RPGRIP1: variants seen among roughly 807,000 people sequenced by gnomAD.
RPGRIP1 encodes the protein X-linked retinitis pigmentosa GTPase regulator-interacting protein 1.
A neutral mutation model predicts 157.9 loss-of-function variants in RPGRIP1; 128 were observed. The observed-to-expected ratio is 0.81, with a 90% CI of 0.70 to 0.94. The LOEUF is 0.94. RPGRIP1 is among the 40% of genes least tolerant of loss of function. The pLI is 0.00. For missense variants in RPGRIP1, 1,486 were observed against 1,545.8 expected, an observed-to-expected ratio of 0.96 and a Z score of 0.65; for synonymous variants, 554 against 571.6, an observed-to-expected ratio of 0.97 and a Z score of 0.44.
At chr14:21,335,320 A>G (rs1209502326) in intron 21 of RPGRIP1, among the ~76,000 whole-genome samples, 2 of 152,068 alleles carry the variant, frequency 1.3e-5, no homozygotes, top group Non-Finnish European at 2.9e-5. Context: ...ATTCATGCCC[A>G]GCCTGAATGG....
chr14:21,320,844 G>A (rs1269293958), intron 12 of RPGRIP1, among the ~76,000 whole-genome samples: 3 of 151,866 alleles, frequency 2.0e-5, no homozygotes, highest in African/African-American at 4.8e-5. Context: ...CTGGTGATCC[G>A]CCCAACTCAG....
intron 1 of RPGRIP1, among the ~76,000 whole-genome samples, chr14:21,280,965 T>C (rs1318461185): frequency 6.6e-6 from 1 of 152,096 alleles, no homozygotes; most frequent in African/African-American, 2.4e-5. Context: ...TTGTGTAAAA[T>C]TTGTTGCTTT....
intron 1 of RPGRIP1, among the ~76,000 whole-genome samples, chr14:21,282,711 G>A (rs1300579115): frequency 6.9e-6 from 1 of 143,952 alleles, no homozygotes; most frequent in Non-Finnish European, 1.5e-5. Flanking sequence ...CCAGGTTCAC[G>A]CCATTCTCCT....
intron 6 of RPGRIP1, among the ~76,000 whole-genome samples, chr14:21,304,570 GA>G: frequency 6.6e-6 from 1 of 152,156 alleles, no homozygotes; most frequent in East Asian, 1.9e-4. Flanking sequence ...TAAATTCCTG[GA>G]AAACTTTTTT....
intron 24 of RPGRIP1, 97 bp from the exon 25 acceptor site, chr14:21,351,007 A>AATT: frequency 1.6e-6 from 1 of 644,068 alleles, no homozygotes. Flanking sequence ...TGAAATGGGT[A>AATT]ATTTCATTCA....
At chr14:21,319,948 C>T in intron 11 of RPGRIP1, 69 bp from the exon 12 acceptor site, 1 of 1,410,372 alleles carries the variant, frequency 7.1e-7, no homozygotes, top group Non-Finnish European at 9.7e-7. Context: ...TAAATTCACA[C>T]TTGATCCAAC....
chr14:21,340,961 A>G (rs1307247172), intron 21 of RPGRIP1, among the ~76,000 whole-genome samples: 1 of 152,192 alleles, frequency 6.6e-6, no homozygotes, highest in East Asian at 1.9e-4. Context: ...AAAACACTGT[A>G]TAGTCAATAG....
chr14:21,325,975 A>G lies in RPGRIP1; in HGVS notation c.2512A>G (p.Ile838Val), dbSNP rs772480252. ...CACCTTTTCTGACCATGACACTGCC[A>G]TCATTCCAGCCAGTAACAACCCCTA... is the stretch of plus-strand genomic sequence containing the variant. ...FFTFSDHDTA[I>V]IPASNNPYFR... Residue 838 changes from isoleucine to valine, a missense_variant, in exon 17 of 25, where the codon ATC becomes GTC. Coordinates refer to ENST00000400017, the MANE Select transcript of RPGRIP1 (RefSeq NM_020366.4). The G allele has an allele frequency of 6.1e-5, 99 of 1,614,000 alleles. 5 individuals carry two copies. In the Middle Eastern group the frequency reaches 8.2e-4, roughly 13 times the overall value.
Position 21,320,112 on chromosome 14 carries a change from C to G in RPGRIP1, c.1402C>G (p.Pro468Ala). Residue 468 changes from proline to alanine, a missense_variant, in exon 12 of 25, where the codon CCT (proline) becomes GCT (alanine). Pro to Ala is a conservative substitution (Grantham distance 27). Transcript: ENST00000400017. ...CCAAAATGCAGCCACAATTTCCCAA[C>G]CTCCTGACAGGCAATCTGAACCAGC... Reference protein sequence around the residue: ...LLQNAATISQPPDRQSEPATH... With the variant: ...LLQNAATISQAPDRQSEPATH... 6.2e-7 allele frequency: 1 copy of G among 1,613,884 alleles called. No homozygotes were observed. Among genetic ancestry groups the G allele is most frequent in the Non-Finnish European group, 8.5e-7 (1 of 1,179,834 alleles).
At position 21,348,233 on chromosome 14, in the gene RPGRIP1, G is replaced by A. The variant is rs1885763952; in HGVS notation, c.3679G>A (p.Gly1227Arg). 2 of 1,588,886 alleles carry A rather than the reference G, an allele frequency of 1.3e-6. No homozygotes were observed. The highest frequency in any genetic ancestry group is 1.7e-6 in the Non-Finnish European group (2 of 1,165,530). The part of the protein sequence containing the change: ...DEEKKECEEV[G>R]YAYLQLWQIL... Reference sequence around the variant, plus strand: ...AGAAAAGAAAGAATGTGAAGAAGTGGGATATGCATATCTTCAACTGTGGCA... The same window carrying A: ...AGAAAAGAAAGAATGTGAAGAAGTGAGATATGCATATCTTCAACTGTGGCA... The change falls in exon 24 of 25, where the codon GGA (glycine) becomes AGA (arginine). Residue 1227 changes from glycine to arginine, a missense_variant. By Grantham distance (125) the Gly-to-Arg change is moderately radical. Transcript: ENST00000400017.
intron 11 of RPGRIP1, 90 bp downstream of exon 11, chr14:21,317,940 C>G: frequency 9.2e-7 from 1 of 1,085,302 alleles, no homozygotes; most frequent in Non-Finnish European, 1.4e-6. Flanking sequence ...TTCTTTAATC[C>G]CCTCACTTGA....
chr14:21,339,487 T>C (rs775713906), intron 21 of RPGRIP1, among the ~76,000 whole-genome samples: 6 of 152,080 alleles, frequency 3.9e-5, no homozygotes, highest in Non-Finnish European at 7.4e-5. Context: ...TACAGGAAGG[T>C]GCTATGTAAT....
chr14:21,339,053 T>C (rs180797928), intron 21 of RPGRIP1, among the ~76,000 whole-genome samples: 2 of 152,274 alleles, frequency 1.3e-5, no homozygotes, highest in African/African-American at 4.8e-5. Context: ...GGAGAATCGC[T>C]TGAGCCCAGG....
intron 24 of RPGRIP1, among the ~76,000 whole-genome samples, chr14:21,350,573 T>C (rs1356530113): frequency 1.3e-5 from 2 of 152,214 alleles, no homozygotes; most frequent in Non-Finnish European, 2.9e-5. Context: ...TCTAATTATA[T>C]TCCTCTAGTA....
At position 21,325,401 on chromosome 14, in the gene RPGRIP1, C is replaced by T. The variant is rs374193817; in HGVS notation, c.2367+18C>T. 8.4e-6 allele frequency: 13 copies of T among 1,555,722 alleles called. No homozygotes were observed. The African/African-American group carries it at 1.5e-4, about 18-fold the overall frequency. On this transcript the variant is annotated intron_variant, in intron 16 of 24. Transcript: ENST00000400017. ...AAGAGGAGGTGAGAAAAAAGATGTG[C>T]CGAGGCATCTCAGAGGAGCCTCAGC...
chr14:21,342,702 C>A (rs1885140506), intron 21 of RPGRIP1, among the ~76,000 whole-genome samples: 2 of 152,216 alleles, frequency 1.3e-5, no homozygotes, highest in African/African-American at 4.8e-5. Context: ...CCATCATCCA[C>A]CCTCCCCGCC....
At chr14:21,333,325 G>A (rs1883984187) in intron 20 of RPGRIP1, among the ~76,000 whole-genome samples, 1 of 151,958 alleles carries the variant, frequency 6.6e-6, no homozygotes, top group Admixed American at 6.5e-5. Context: ...TGTAGACAAA[G>A]CCTTGTGTCT....
intron 1 of RPGRIP1, among the ~76,000 whole-genome samples, chr14:21,286,333 G>A (rs1311350453): frequency 2.0e-5 from 3 of 151,934 alleles, no homozygotes. Context: ...ATGCTAATGG[G>A]TGAGGGAAAG....
chr14:21,332,297 G>A (rs1883874464), intron 20 of RPGRIP1, among the ~76,000 whole-genome samples: 1 of 152,100 alleles, frequency 6.6e-6, no homozygotes, highest in South Asian at 2.1e-4. Flanking sequence ...AATGGGAAGA[G>A]CATAAATGAT....
Sources: allele counts gnomAD v4.1 joint callset (sites outside exome capture counted in the v4.1 genomes callset), GRCh38; gene constraint gnomAD v4.1.1; transcripts MANE v1.5; gene names NCBI Gene and HGNC (gene_info 2026-07-23, HGNC 2026-07-21).